Variants in RAB3GAP1 observed in about 807,000 individuals in gnomAD.
The protein encoded by RAB3GAP1 is RAB3 GTPase activating protein catalytic subunit 1.
RAB3GAP1 carries 86 observed loss-of-function variants against 130.7 expected under a neutral mutation model. That is an observed-to-expected ratio of 0.66 (90% CI 0.55 to 0.79). RAB3GAP1 has a LOEUF of 0.79. Ranked by LOEUF, RAB3GAP1 falls within the 30% of genes least tolerant of loss-of-function variation. The probability of loss-of-function intolerance (pLI) is 0.00; values close to 1 mark genes in which losing one functional copy is unlikely to be tolerated. For synonymous variants in RAB3GAP1, 367 were observed against 401.7 expected (o/e 0.91, Z 1.03); for missense variants, 1,029 against 1,169.4 (o/e 0.88, Z 1.75).
chr2:135,140,265 G>C (rs1691801497), intron 17 of RAB3GAP1, among the ~76,000 whole-genome samples: 1 of 152,162 alleles, frequency 6.6e-6, no homozygotes, highest in African/African-American at 2.4e-5. Context: ...CCTAAGAGTA[G>C]AGTTATTGGG....
chr2:135,116,739 T>G (rs1454705654), intron 7 of RAB3GAP1, among the ~76,000 whole-genome samples: 2 of 152,160 alleles, frequency 1.3e-5, no homozygotes, highest in African/African-American at 2.4e-5. Context: ...TTTCAGAAGA[T>G]TCAGCCAAAA....
intron 3 of RAB3GAP1, among the ~76,000 whole-genome samples, chr2:135,087,298 T>C (rs1262404758): frequency 6.6e-6 from 1 of 152,250 alleles, no homozygotes; most frequent in Non-Finnish European, 1.5e-5. Flanking sequence ...CTATACTGTC[T>C]TAATTATTGT....
chr2:135,143,724 A>AT (rs2104965697), intron 17 of RAB3GAP1, among the ~76,000 whole-genome samples: 1 of 151,632 alleles, frequency 6.6e-6, no homozygotes, highest in East Asian at 1.9e-4. Context: ...CGCCTGGCTA[A>AT]TTTTTTGTAT....
chr2:135,114,778 C>T (rs1280623440), intron 6 of RAB3GAP1, among the ~76,000 whole-genome samples: 1 of 152,168 alleles, frequency 6.6e-6, no homozygotes, highest in Non-Finnish European at 1.5e-5. Context: ...CTCTCTAAGG[C>T]ACATCACAAC....
Position 135,133,859 on chromosome 2 carries a change from A to G in RAB3GAP1, c.1327-2A>G. 1 of 1,613,056 alleles carries G rather than the reference A, an allele frequency of 6.2e-7. No homozygotes were observed. The highest frequency in any genetic ancestry group is 8.5e-7 in the Non-Finnish European group (1 of 1,179,158). On this transcript the variant is annotated splice_acceptor_variant, in intron 14 of 23. Transcript: ENST00000264158. LOFTEE classifies it high-confidence loss of function. ...GCTTTGTTTCTATTTTGTTAAATTT[A>G]GAATCTCTACAATCAGTTCAAGTCT... is the stretch of plus-strand genomic sequence containing the variant.
chr2:135,137,267 A>G (rs10176106), intron 17 of RAB3GAP1: 5,319 of 399,224 alleles, frequency 0.013, 226 homozygotes, highest in African/African-American at 0.098. Context: ...AGTTAAAGGT[A>G]TTGGCGTATT....
chr2:135,055,520 A>G (rs1371697740), intron 2 of RAB3GAP1, among the ~76,000 whole-genome samples: 1 of 152,060 alleles, frequency 6.6e-6, no homozygotes, highest in East Asian at 1.9e-4. Context: ...TCTACTAAAA[A>G]TACAAAAGCT....
intron 3 of RAB3GAP1, among the ~76,000 whole-genome samples, chr2:135,077,501 G>T (rs959965097): frequency 6.6e-6 from 1 of 152,164 alleles, no homozygotes; most frequent in Admixed American, 6.5e-5. Flanking sequence ...AGACCAGCCT[G>T]GGCAACATAG....
chr2:135,122,446 AT>A (rs1356168384), intron 8 of RAB3GAP1, among the ~76,000 whole-genome samples: 1 of 152,124 alleles, frequency 6.6e-6, no homozygotes, highest in East Asian at 1.9e-4. Context: ...TCTGCTCGTG[AT>A]CTGTGAAGAA....
downstream of RAB3GAP1, among the ~76,000 whole-genome samples, chr2:135,172,212 A>G (rs1692873238): frequency 6.6e-6 from 1 of 151,792 alleles, no homozygotes; most frequent in African/African-American, 2.4e-5. Flanking sequence ...GGCGGATCAC[A>G]TGAGGTCAGG....
chr2:135,143,341 C>T (rs369099586), intron 17 of RAB3GAP1, among the ~76,000 whole-genome samples: 3 of 151,770 alleles, frequency 2.0e-5, no homozygotes, highest in Admixed American at 1.3e-4. Context: ...TGTTCCTGAT[C>T]TATAAGAGGG....
At chr2:135,117,567 TCTG>T (rs1217861266) in intron 7 of RAB3GAP1, among the ~76,000 whole-genome samples, 11 of 138,194 alleles carry the variant, frequency 8.0e-5, no homozygotes, top group South Asian at 2.3e-4. Flanking sequence ...TGCTTCTTCT[TCTG>T]CTTCTTCTTC....
intron 8 of RAB3GAP1, among the ~76,000 whole-genome samples, chr2:135,121,575 TG>T (rs1446067628): frequency 6.6e-6 from 1 of 152,182 alleles, no homozygotes. Flanking sequence ...TTTTGATTCC[TG>T]GGTGTTTCTT....
chr2:135,144,087 T>C (rs1156952347), intron 17 of RAB3GAP1, among the ~76,000 whole-genome samples: 1 of 152,210 alleles, frequency 6.6e-6, no homozygotes, highest in African/African-American at 2.4e-5. Flanking sequence ...TCCGCCAGGC[T>C]TGTGCACCAG....
Position 135,115,273 on chromosome 2 carries a change from A to G in RAB3GAP1, c.540A>G (p.Glu180=), listed in dbSNP as rs1341087162. 5 of 1,613,256 alleles carry G rather than the reference A, an allele frequency of 3.1e-6. No individual in the cohort carries two copies. Among genetic ancestry groups the G allele is most frequent in the Non-Finnish European group, 4.2e-6 (5 of 1,179,208 alleles). ...AATGGCGAAGAATGTATGTAGGAGA[A>G]TGTCAAGGTCCTGGTGTACGAACTG... The part of the protein sequence containing the change: ...HHKWRRMYVG[E]CQGPGVRTDF... The change falls in exon 7 of 24, where the codon GAA becomes GAG. Residue 180 remains glutamate (E), a synonymous_variant. Coordinates refer to ENST00000264158, the MANE Select transcript of RAB3GAP1 (RefSeq NM_012233.3).
intron 9 of RAB3GAP1, among the ~76,000 whole-genome samples, chr2:135,125,637 C>T (rs1245486655): frequency 6.6e-6 from 1 of 152,148 alleles, no homozygotes; most frequent in African/African-American, 2.4e-5. Flanking sequence ...ATCACCAAGA[C>T]AGTTACTAAG....
At position 135,113,192 on chromosome 2, in the gene RAB3GAP1, A is replaced by G. The variant is rs770201219; in HGVS notation, c.404A>G (p.His135Arg). ...REFVVIAPAA[H>R]SDAVLSESKC... is the part of the protein sequence containing the mutation. The stretch of plus-strand genomic sequence containing the variant: ...TTCGTGGTGATTGCCCCTGCTGCAC[A>G]CAGTGACGCTGTTCTCAGCGAATCT... The change falls in exon 6 of 24, where the codon CAC (histidine) becomes CGC (arginine). Residue 135 changes from histidine to arginine, a missense_variant. Around this residue, in one of 3 missense-constraint regions of RAB3GAP1, gnomAD observed 510 missense variants for 532.1 expected, o/e 0.96. Transcript: ENST00000264158. 5.0e-6 allele frequency: 8 copies of G among 1,614,118 alleles called. No individual in the cohort carries two copies. The Middle Eastern group carries it at 4.9e-4, about 100-fold the overall frequency.
intron 11 of RAB3GAP1, among the ~76,000 whole-genome samples, chr2:135,129,498 G>A (rs1247961288): frequency 6.6e-6 from 1 of 151,482 alleles, no homozygotes; most frequent in Non-Finnish European, 1.5e-5. Context: ...AATAATGACG[G>A]AAAGAATACC....
intron 9 of RAB3GAP1, among the ~76,000 whole-genome samples, chr2:135,124,537 C>T (rs1227964786): frequency 6.6e-6 from 1 of 152,072 alleles, no homozygotes; most frequent in Admixed American, 6.5e-5. Flanking sequence ...TGGTTGCGCA[C>T]ACCTGTAATC....
Sources: gnomAD v4.1 joint callset for allele counts (sites outside exome capture counted in the v4.1 genomes callset) on GRCh38, gnomAD v4.1.1 for gene constraint, gnomAD v4.1.1 regional missense constraint, MANE v1.5 for transcripts, NCBI Gene and HGNC (gene_info 2026-07-23, HGNC 2026-07-21) for gene names.